The following HSPD1 variants were observed in gnomAD, a reference collection of about 807,000 sequenced individuals.
The protein encoded by HSPD1 is 60 kDa heat shock protein, mitochondrial.
Under a neutral mutation model 53.0 loss-of-function variants are expected in HSPD1, and 3 were observed. The ratio of observed to expected loss-of-function variants is 0.06; its 90% CI spans 0.03 to 0.15. The LOEUF is 0.15. HSPD1 is among the 10% of genes least tolerant of loss of function. HSPD1 has a pLI of 1.00. For synonymous variants in HSPD1, 200 were observed against 228.0 expected, an observed-to-expected ratio of 0.88 and a Z score of 1.10; for missense variants, 431 against 694.1, an observed-to-expected ratio of 0.62 and a Z score of 4.26.
At chr2:197,499,939 T>G (rs1028610503), upstream of HSPD1, 2 of 154,734 alleles carry the variant, frequency 1.3e-5, no homozygotes, top group Non-Finnish European at 2.9e-5. Context: ...CCCACCCACT[T>G]CCCGTCAGCC....
Position 197,495,230 on chromosome 2 carries a change from A to G in HSPD1, c.510+64T>C, listed in dbSNP as rs779942064. The stretch of plus-strand genomic sequence containing the variant: ...ATTCTGACATTGGTGTGATCAAGGG[A>G]AAAAAAAAATCACACATGCCATTAA... On this transcript the variant is annotated intron_variant, in intron 4 of 11. Coordinates refer to ENST00000388968, the MANE Select transcript of HSPD1 (RefSeq NM_002156.5). 1.2e-4 allele frequency: 98 copies of G among 789,434 alleles called. 1 individual carries two copies. Among genetic ancestry groups the G allele is most frequent in the Middle Eastern group, 1.1e-3 (3 of 2,770 alleles). 48.9% of individuals were successfully genotyped at this position (789,434 alleles called of 1,614,324 possible).
At chr2:197,497,793 C>A (rs1232748100) in intron 2 of HSPD1, among the ~76,000 whole-genome samples, 2 of 152,212 alleles carry the variant, frequency 1.3e-5, no homozygotes, top group Non-Finnish European at 2.9e-5. Context: ...ACCATCAAGG[C>A]AAGTAGCGTG....
chr2:197,490,118 T>C (rs1301438413), intron 8 of HSPD1, 79 bp downstream of exon 8: 8 of 1,032,546 alleles, frequency 7.7e-6, no homozygotes, highest in African/African-American at 1.6e-5. Flanking sequence ...TAGTATCTAA[T>C]TGTGAAATGT....
intron 1 of HSPD1, 55 bp from the exon 2 acceptor site, chr2:197,498,905 A>G: frequency 1.3e-6 from 2 of 1,495,898 alleles, no homozygotes; most frequent in South Asian, 2.3e-5. Flanking sequence ...GCGCTGCAGA[A>G]CAAACATGCC....
intron 8 of HSPD1, 48 bp from the exon 9 acceptor site, chr2:197,489,295 CA>C (rs758599676): frequency 1.2e-5 from 19 of 1,600,766 alleles, no homozygotes; most frequent in Non-Finnish European, 1.5e-5. Flanking sequence ...CAGTTTCTGC[CA>C]TTATACCAAG....
chr2:197,500,102 C>G, upstream of HSPD1: 2 of 393,832 alleles, frequency 5.1e-6, no homozygotes, highest in Non-Finnish European at 9.4e-6. Context: ...GCGCTCCCTA[C>G]GGCTCAAGGG....
chr2:197,490,122 G>A, intron 8 of HSPD1, 75 bp downstream of exon 8: 1 of 1,082,332 alleles, frequency 9.2e-7, no homozygotes, highest in Non-Finnish European at 1.4e-6. Context: ...ATCTAATTGT[G>A]AAATGTTAAA....
chr2:197,494,288 T>G (rs1301497089), intron 5 of HSPD1, 38 bp from the exon 6 acceptor site: 9 of 1,007,224 alleles, frequency 8.9e-6, no homozygotes, highest in Non-Finnish European at 1.6e-6. Context: ...TGGATTTCAT[T>G]GAACACAAAA....
rs2106080922 is a variant in HSPD1, at chr2:197,498,716, C to T, written c.133G>A (p.Asp45Asn). The part of the protein sequence containing the change: ...DARALMLQGV[D>N]LLADAVAVTM... ...ACGGCCACAGCATCGGCTAAAAGGTCTACACCTTGAAGCATTAAGGCTCGG... is the reference window on the plus strand; with the variant it reads ...ACGGCCACAGCATCGGCTAAAAGGTTTACACCTTGAAGCATTAAGGCTCGG... Residue 45 changes from aspartate to asparagine, a missense_variant, in exon 2 of 12, where the codon GAC becomes AAC. This residue lies in a region of HSPD1 where 386 missense variants were observed against 657.6 expected (regional missense o/e 0.59). Transcript: ENST00000388968. The T allele has an allele frequency of 6.2e-7, 1 of 1,614,160 alleles. No individual in the cohort carries two copies. Among genetic ancestry groups the T allele is most frequent in the Non-Finnish European group, 8.5e-7 (1 of 1,180,032 alleles).
At chr2:197,489,369 T>A in intron 8 of HSPD1, 122 bp from the exon 9 acceptor site, 1 of 1,039,506 alleles carries the variant, frequency 9.6e-7, no homozygotes, top group South Asian at 1.4e-5. Context: ...TGAGAGATTT[T>A]AAGATCACTG....
intron 7 of HSPD1, among the ~76,000 whole-genome samples, chr2:197,492,737 C>T (rs1364492602): frequency 3.3e-5 from 5 of 151,602 alleles, no homozygotes; most frequent in African/African-American, 4.8e-5. Flanking sequence ...CAAGGCCGGG[C>T]GCAGTGGCTC....
At chr2:197,488,258 T>C in intron 10 of HSPD1, 59 bp downstream of exon 10, 1 of 1,472,032 alleles carries the variant, frequency 6.8e-7, no homozygotes. Flanking sequence ...ACTGCAACAT[T>C]ATTATTCTAA....
chr2:197,486,914 T>C lies in HSPD1; in HGVS notation c.*132A>G, dbSNP rs1290970417. 1.3e-6 allele frequency: 1 copy of C among 772,176 alleles called. No individual in the cohort carries two copies. Among genetic ancestry groups the C allele is most frequent in the Non-Finnish European group, 2.3e-6 (1 of 429,264 alleles). The allele number at this position is 772,176 out of a possible 1,614,324, so 47.8% of individuals were successfully genotyped here. A position where few individuals can be genotyped will look rare whatever the true frequency, so the allele number is the denominator to read the frequency against. On this transcript the variant is annotated 3_prime_UTR_variant, in exon 12 of 12. Coordinates refer to ENST00000388968, the MANE Select transcript of HSPD1 (RefSeq NM_002156.5). ...TTTGTCAACTGAAACCAGTAACTGA[T>C]GGTTATAGTGATTTTCAGCCAGCCT...
intron 1 of HSPD1, chr2:197,499,324 C>A (rs570058090): frequency 5.9e-6 from 1 of 170,490 alleles, no homozygotes; most frequent in Admixed American, 5.8e-5. Flanking sequence ...TCAGAGCAAC[C>A]AGCAAGGCCG....
chr2:197,499,129 G>A (rs1487337651), intron 1 of HSPD1: 7 of 515,496 alleles, frequency 1.4e-5, no homozygotes, highest in Non-Finnish European at 2.5e-5. Context: ...CCAAAAACGA[G>A]TTAATCTTTC....
chr2:197,490,356 C>G, intron 7 of HSPD1, 60 bp from the exon 8 acceptor site: 1 of 1,278,812 alleles, frequency 7.8e-7, no homozygotes, highest in Non-Finnish European at 1.1e-6. Flanking sequence ...CTGTTTAATT[C>G]CCCTCAAGCT....
At chr2:197,490,105 T>C in intron 8 of HSPD1, 92 bp downstream of exon 8, 1 of 948,634 alleles carries the variant, frequency 1.1e-6, no homozygotes. Context: ...AAACAGATAG[T>C]TGTAGTATCT....
intron 11 of HSPD1, 37 bp downstream of exon 11, chr2:197,487,821 C>A (rs1198088892): frequency 6.4e-7 from 1 of 1,572,870 alleles, no homozygotes; most frequent in Non-Finnish European, 8.7e-7. Flanking sequence ...ACAAAATGAA[C>A]AACAAAAGAA....
At chr2:197,494,328 C>G in intron 5 of HSPD1, 78 bp from the exon 6 acceptor site, 2 of 803,632 alleles carry the variant, frequency 2.5e-6, no homozygotes, top group South Asian at 2.7e-5. Context: ...TTAATAAAAA[C>G]AGACCCCTCT....
Sources: allele counts gnomAD v4.1 joint callset (sites outside exome capture counted in the v4.1 genomes callset), GRCh38; gene constraint gnomAD v4.1.1; regional missense constraint gnomAD v4.1.1; transcripts MANE v1.5; gene names NCBI Gene and HGNC (gene_info 2026-07-23, HGNC 2026-07-21).